LINGO2: variants seen among roughly 807,000 people sequenced by gnomAD.
The protein encoded by LINGO2 is leucine rich repeat and Ig domain containing 2.
In LINGO2, 14 loss-of-function variants were observed where a neutral mutation model predicts 30.6. That is an observed-to-expected ratio of 0.46 (90% CI 0.30 to 0.72). The LOEUF (loss-of-function observed/expected upper bound fraction) is 0.72, where lower values mean the gene tolerates loss of function less well. LINGO2 is among the 30% of genes least tolerant of loss of function. The pLI is 0.07. For missense variants in LINGO2, 729 were observed against 751.7 expected (o/e 0.97, Z 0.35); for synonymous variants, 317 against 288.5 (o/e 1.10, Z -1.00).
chr9:28,929,483 C>A, the LINGO2 span, among the ~76,000 whole-genome samples: 18 of 152,102 alleles, frequency 1.2e-4, no homozygotes, highest in Non-Finnish European at 1.6e-4. Flanking sequence ...AGCTAGAGTT[C>A]TCAGGAAATG....
rs552483696 is a variant in LINGO2 at position 28,594,100 on chromosome 9, T to G, written c.-365+76100A>C. ...TATAATATTACAGTGATGATACCTA[T>G]AGTTAGAAGTGAAATGGCGTTCGTG... On this transcript the variant is annotated intron_variant, in intron 1 of 5. Transcript: ENST00000379992. Among the ~76,000 whole-genome samples, 8 of 152,114 alleles carry G rather than the reference T, an allele frequency of 5.3e-5. No individual in the cohort carries two copies. The East Asian group carries it at 1.5e-3, about 29-fold the overall frequency.
At chr9:28,086,975 G>C (rs1281546424) in intron 4 of LINGO2, among the ~76,000 whole-genome samples, 1 of 152,080 alleles carries the variant, frequency 6.6e-6, no homozygotes, top group Non-Finnish European at 1.5e-5. Flanking sequence ...CCAACCTTTG[G>C]ATCAGAGTTA....
the LINGO2 span, among the ~76,000 whole-genome samples, chr9:28,877,985 T>G: frequency 6.6e-6 from 1 of 152,128 alleles, no homozygotes; most frequent in Non-Finnish European, 1.5e-5. Flanking sequence ...GAAAGTTGGA[T>G]TCCTAGGTAT....
chr9:28,612,127 T>C (rs1489550690), intron 1 of LINGO2, among the ~76,000 whole-genome samples: 3 of 152,098 alleles, frequency 2.0e-5, no homozygotes, highest in Non-Finnish European at 4.4e-5. Context: ...AATGGGGCAA[T>C]CATAGCTCAC....
chr9:28,518,233 G>A (rs1195826743), intron 1 of LINGO2, among the ~76,000 whole-genome samples: 1 of 152,140 alleles, frequency 6.6e-6, no homozygotes, highest in Non-Finnish European at 1.5e-5. Flanking sequence ...TTTTCAAAGA[G>A]TTAAAACAAA....
chr9:29,032,074 A>G, the LINGO2 span, among the ~76,000 whole-genome samples: 6 of 152,198 alleles, frequency 3.9e-5, no homozygotes. Flanking sequence ...GGTAAACAGC[A>G]AAAGGGAAAC....
At chr9:28,043,249 G>A (rs1198006) in intron 4 of LINGO2, among the ~76,000 whole-genome samples, 143,329 of 152,294 alleles carry the variant, frequency 0.94, 67,480 homozygotes, top group Non-Finnish European at 0.96. Context: ...ATAAAACTGC[G>A]GTAAGAAGTG....
intron 2 of LINGO2, among the ~76,000 whole-genome samples, chr9:28,445,565 TA>T (rs1169441653): frequency 4.6e-5 from 7 of 151,916 alleles, no homozygotes; most frequent in Admixed American, 2.0e-4. Flanking sequence ...TTAAAATTGT[TA>T]TTTTTTTTAC....
At chr9:28,916,559 T>C in the LINGO2 span, among the ~76,000 whole-genome samples, 2 of 152,192 alleles carry the variant, frequency 1.3e-5, no homozygotes, top group Non-Finnish European at 2.9e-5. Flanking sequence ...TTAGAAAATC[T>C]TTTAATCACC....
the LINGO2 span, among the ~76,000 whole-genome samples, chr9:28,869,919 A>G: frequency 6.6e-6 from 1 of 151,906 alleles, no homozygotes; most frequent in African/African-American, 2.4e-5. Flanking sequence ...CTTACATAAA[A>G]ATGTCTTTAA....
At chr9:28,565,378 C>T (rs1458528968) in intron 1 of LINGO2, among the ~76,000 whole-genome samples, 1 of 150,992 alleles carries the variant, frequency 6.6e-6, no homozygotes, top group Non-Finnish European at 1.5e-5. Flanking sequence ...TTAGTAGAGA[C>T]GGGGTTTCAC....
chr9:28,789,843 T>C, the LINGO2 span, among the ~76,000 whole-genome samples: 1 of 152,166 alleles, frequency 6.6e-6, no homozygotes, highest in African/African-American at 2.4e-5. Flanking sequence ...ACATATTCTC[T>C]CAAAATCTCT....
intron 4 of LINGO2, among the ~76,000 whole-genome samples, chr9:28,292,336 A>C (rs1823760500): frequency 6.6e-6 from 1 of 152,178 alleles, no homozygotes; most frequent in African/African-American, 2.4e-5. Flanking sequence ...CATTTTATGG[A>C]TTAAGTGAAT....
the LINGO2 span, among the ~76,000 whole-genome samples, chr9:28,803,045 A>T: frequency 6.6e-6 from 1 of 152,052 alleles, no homozygotes; most frequent in Non-Finnish European, 1.5e-5. Flanking sequence ...AACCAGTAAT[A>T]AGTATCACCA....
At chr9:28,873,306 G>C in the LINGO2 span, among the ~76,000 whole-genome samples, 1 of 149,760 alleles carries the variant, frequency 6.7e-6, no homozygotes, top group East Asian at 2.0e-4. Context: ...GGAGGCAGAG[G>C]TTGCAGTGAG....
chr9:29,124,084 C>T, the LINGO2 span, among the ~76,000 whole-genome samples: 1 of 152,076 alleles, frequency 6.6e-6, no homozygotes, highest in Non-Finnish European at 1.5e-5. Context: ...TGGAACACAA[C>T]AGAGGCCTCA....
intron 4 of LINGO2, among the ~76,000 whole-genome samples, chr9:28,255,496 G>A (rs192800741): frequency 2.2e-4 from 33 of 152,136 alleles, no homozygotes; most frequent in African/African-American, 7.2e-4. Flanking sequence ...CTATAAAGTA[G>A]GGATACTGTT....
the LINGO2 span, among the ~76,000 whole-genome samples, chr9:28,983,930 T>C: frequency 6.6e-6 from 1 of 152,064 alleles, no homozygotes; most frequent in African/African-American, 2.4e-5. Context: ...TTGGTCTGTA[T>C]CTGGAGGCTT....
At chr9:28,547,894 G>C (rs537049481) in intron 1 of LINGO2, among the ~76,000 whole-genome samples, 1 of 152,218 alleles carries the variant, frequency 6.6e-6, no homozygotes, top group East Asian at 1.9e-4. Context: ...AAGTTTCTAA[G>C]TTGTTATACA....
Sources: gnomAD v4.1 joint callset for allele counts (sites outside exome capture counted in the v4.1 genomes callset) on GRCh38, gnomAD v4.1.1 for gene constraint, MANE v1.5 for transcripts, NCBI Gene and HGNC (gene_info 2026-07-23, HGNC 2026-07-21) for gene names.